The following ODR4 variants were observed in gnomAD, a reference collection of about 807,000 sequenced individuals.
The protein encoded by ODR4 is protein odr-4 homolog.
In ODR4, 47 loss-of-function variants were observed where a neutral mutation model predicts 60.2. That is an observed-to-expected ratio of 0.78 (90% CI 0.62 to 1.00). The LOEUF (loss-of-function observed/expected upper bound fraction) is 1.00. Among genes scored for constraint, ODR4 ranks in the 50% least tolerant of loss-of-function variants. ODR4 has a pLI of 0.00. For synonymous variants in ODR4, 178 were observed against 175.5 expected (o/e 1.01, Z -0.11); for missense variants, 488 against 530.8 (o/e 0.92, Z 0.79).
chr1:186,377,777 G>C (rs946720988), intron 1 of ODR4, among the ~76,000 whole-genome samples: 1 of 152,188 alleles, frequency 6.6e-6, no homozygotes, highest in Non-Finnish European at 1.5e-5. Flanking sequence ...CAGGCATGGT[G>C]ACTCACACCT....
At chr1:186,400,116 T>A (rs949909804) in intron 11 of ODR4, among the ~76,000 whole-genome samples, 2 of 148,836 alleles carry the variant, frequency 1.3e-5, no homozygotes, top group African/African-American at 2.5e-5. Context: ...CTCAGCCTCC[T>A]GTGTAGCTGG....
rs1308384097 is a variant in ODR4, at chr1:186,383,114, G to A, written c.192G>A (p.Leu64=). 5 of 1,557,036 alleles carry A rather than the reference G, an allele frequency of 3.2e-6. No homozygotes were observed. The highest frequency in any genetic ancestry group is 4.3e-6 in the Non-Finnish European group (5 of 1,149,682). ...SENLKHPKAK[L]DNLDEEWATE... ...ACCTCAAACATCCCAAAGCTAAGTT[G>A]GATAACTTGGATGAAGAATGGGCCA... Residue 64 remains leucine, a synonymous_variant, in exon 3 of 14, where the codon TTG becomes TTA. Coordinates refer to ENST00000287859, the MANE Select transcript of ODR4 (RefSeq NM_017847.6).
chr1:186,396,474 T>C (rs1243160314), intron 9 of ODR4, among the ~76,000 whole-genome samples: 1 of 152,046 alleles, frequency 6.6e-6, no homozygotes, highest in Non-Finnish European at 1.5e-5. Context: ...CTGGGGGTGA[T>C]GGTGTGTGCC....
chr1:186,395,383 G>A (rs1300921603), intron 9 of ODR4, among the ~76,000 whole-genome samples: 4 of 151,920 alleles, frequency 2.6e-5, no homozygotes, highest in Admixed American at 6.6e-5. Context: ...GTGAGCCACC[G>A]CGCCTGGCCA....
chr1:186,427,903 G>A, the ODR4 span, among the ~76,000 whole-genome samples: 1 of 152,180 alleles, frequency 6.6e-6, no homozygotes, highest in African/African-American at 2.4e-5. Flanking sequence ...ATCGTTTTCT[G>A]AGCATTAAGT....
In ODR4 at chr1:186,421,198, ATCT is replaced by A. The variant is rs1661761450; in HGVS notation, c.*2125_*2127del. 6.6e-6 allele frequency: 1 copy of A among 152,244 alleles called. No individual in the cohort carries two copies. Among genetic ancestry groups the A allele is most frequent in the Admixed American group, 6.5e-5 (1 of 15,286 alleles). The allele number at this position is 152,244 out of a possible 1,614,324, so 9.4% of individuals were successfully genotyped here. On this transcript the variant is annotated 3_prime_UTR_variant, in exon 14 of 14. Transcript: ENST00000287859. ...TCAGTAAAGAGACTACAAAAGGATG[ATCT>A]TCAAGAAGGGAAATGATTCTAAAAG...
chr1:186,400,704 CT>C, intron 11 of ODR4: 17 of 225,760 alleles, frequency 7.5e-5, no homozygotes, highest in East Asian at 1.6e-4. Flanking sequence ...TAATTATAAT[CT>C]TTTTTTTATA....
At position 186,383,165 on chromosome 1, in the gene ODR4, AT is replaced by A; in HGVS notation, c.234+16del. ...CAGAACATGCCTGCCAGGTTATCTTATTTTTTTGTTTATATGTTTAAGTTTT... is the reference window on the plus strand; with the variant it reads ...CAGAACATGCCTGCCAGGTTATCTTATTTTTTGTTTATATGTTTAAGTTTT... On this transcript the variant is annotated intron_variant, in intron 3 of 13. Transcript: ENST00000287859. 1.3e-6 allele frequency: 2 copies of A among 1,540,776 alleles called. No individual in the cohort carries two copies. Among genetic ancestry groups the A allele is most frequent in the South Asian group, 1.2e-5 (1 of 81,396 alleles).
downstream of ODR4, among the ~76,000 whole-genome samples, chr1:186,423,187 C>T (rs1241675714): frequency 6.6e-6 from 1 of 152,082 alleles, no homozygotes; most frequent in Non-Finnish European, 1.5e-5. Flanking sequence ...AAAATTCTAA[C>T]ATTTTATACA....
chr1:186,426,979 A>G, the ODR4 span, among the ~76,000 whole-genome samples: 2 of 152,028 alleles, frequency 1.3e-5, no homozygotes, highest in African/African-American at 2.4e-5. Flanking sequence ...GCTGCTAAAA[A>G]TAAAAGTGGC....
chr1:186,381,694 T>C (rs1362318368), intron 2 of ODR4, among the ~76,000 whole-genome samples: 2 of 152,250 alleles, frequency 1.3e-5, no homozygotes, highest in African/African-American at 2.4e-5. Context: ...AATTCATTCC[T>C]TTCAGTATTC....
At chr1:186,392,727 G>A (rs1239577084) in intron 8 of ODR4, among the ~76,000 whole-genome samples, 1 of 152,016 alleles carries the variant, frequency 6.6e-6, no homozygotes, top group East Asian at 1.9e-4. Context: ...CAGGGGCCAG[G>A]CGTGGTGGCT....
chr1:186,403,739 C>T (rs906350947), intron 11 of ODR4, among the ~76,000 whole-genome samples: 2 of 151,520 alleles, frequency 1.3e-5, no homozygotes, highest in Admixed American at 6.6e-5. Flanking sequence ...TCTTAAGATA[C>T]AGCCTAAGCC....
At chr1:186,380,696 G>C (rs1320436299) in intron 2 of ODR4, among the ~76,000 whole-genome samples, 5 of 151,824 alleles carry the variant, frequency 3.3e-5, no homozygotes, top group Non-Finnish European at 7.4e-5. Context: ...GCTCTTATTG[G>C]GACAATTTTC....
At chr1:186,423,752 G>A (rs1661837790), downstream of ODR4, among the ~76,000 whole-genome samples, 1 of 151,934 alleles carries the variant, frequency 6.6e-6, no homozygotes, top group Non-Finnish European at 1.5e-5. Context: ...ACTGCACCCG[G>A]CCACCACTTC....
At chr1:186,406,061 A>C (rs1278679716) in intron 11 of ODR4, 22 bp from the exon 12 acceptor site, 4 of 1,474,076 alleles carry the variant, frequency 2.7e-6, no homozygotes, top group African/African-American at 2.8e-5. Context: ...CTAAATATTG[A>C]TAATATTTCT....
intron 10 of ODR4, among the ~76,000 whole-genome samples, chr1:186,398,694 A>T (rs1660794211): frequency 6.6e-6 from 1 of 152,140 alleles, no homozygotes; most frequent in Admixed American, 6.6e-5. Context: ...TTAGTATCTA[A>T]TTTGGAACAC....
chr1:186,412,181 T>C (rs1661403889), intron 12 of ODR4, among the ~76,000 whole-genome samples: 1 of 152,206 alleles, frequency 6.6e-6, no homozygotes, highest in Non-Finnish European at 1.5e-5. Context: ...AAATGAGTTA[T>C]TTCAAAACAA....
At chr1:186,398,537 A>G in intron 10 of ODR4, 96 bp downstream of exon 10, 3 of 1,253,966 alleles carry the variant, frequency 2.4e-6, no homozygotes, top group South Asian at 1.7e-5. Context: ...GTAATTATTA[A>G]TTCGATTTTA....
Sources: gnomAD v4.1 joint callset for allele counts (sites outside exome capture counted in the v4.1 genomes callset) on GRCh38, gnomAD v4.1.1 for gene constraint, MANE v1.5 for transcripts, NCBI Gene and HGNC (gene_info 2026-07-23, HGNC 2026-07-21) for gene names.